Variants in VCF2 observed in about 807,000 individuals in gnomAD.
The protein encoded by VCF2 is VCP nuclear cofactor family member 2.
chrX:55,150,189 C>T, the VCF2 span, among the ~76,000 whole-genome samples: 2 of 112,013 alleles, frequency 1.8e-5, 1 homozygote, highest in South Asian at 7.4e-4. Flanking sequence ...GTATGTGTTT[C>T]AGAATTGTAT....
At chrX:55,157,083 T>C in the VCF2 span, among the ~76,000 whole-genome samples, 1 of 112,277 alleles carries the variant, frequency 8.9e-6, no homozygotes, top group Non-Finnish European at 1.9e-5. Flanking sequence ...TGCCATAGGG[T>C]TTAAAACCAC....
chrX:55,143,971 C>A, the VCF2 span: 1 of 514,471 alleles, frequency 1.9e-6, no homozygotes. Context: ...CTTAGTTCAA[C>A]TAAGTACTGA....
At chrX:55,153,538 T>C in the VCF2 span, among the ~76,000 whole-genome samples, 3 of 108,064 alleles carry the variant, frequency 2.8e-5, no homozygotes, top group Admixed American at 3.0e-4. Context: ...TTTTTTTGTA[T>C]TTTTAGTAGA....
the VCF2 span, among the ~76,000 whole-genome samples, chrX:55,148,080 G>A: frequency 9.1e-6 from 1 of 110,168 alleles, no homozygotes; most frequent in Non-Finnish European, 1.9e-5. Context: ...TATACTTCAG[G>A]TTCTTAGAAA....
At chrX:55,156,493 C>T in the VCF2 span, among the ~76,000 whole-genome samples, 1 of 112,360 alleles carries the variant, frequency 8.9e-6, no homozygotes, top group East Asian at 2.8e-4. Context: ...AGTTCCAAGG[C>T]ATTTAAAATG....
chrX:55,147,634 G>GTTTTTTT, the VCF2 span, among the ~76,000 whole-genome samples: 124 of 54,079 alleles, frequency 2.3e-3, no homozygotes, highest in East Asian at 4.8e-3. Flanking sequence ...GGCTTTCCTT[G>GTTTTTTT]TTTTTTTTTT....
At chrX:55,147,631 C>CTTTTTTTTTT in the VCF2 span, among the ~76,000 whole-genome samples, 1 of 68,569 alleles carries the variant, frequency 1.5e-5, no homozygotes, top group African/African-American at 5.0e-5. Context: ...GTTGGCTTTC[C>CTTTTTTTTTT]TTGTTTTTTT....
the VCF2 span, chrX:55,145,914 T>G: frequency 6.8e-6 from 7 of 1,028,581 alleles, no homozygotes; most frequent in Non-Finnish European, 8.7e-6. Context: ...TCATAAACAT[T>G]TATTCACAGC....
At chrX:55,152,107 G>A in the VCF2 span, among the ~76,000 whole-genome samples, 1 of 108,432 alleles carries the variant, frequency 9.2e-6, no homozygotes, top group Admixed American at 9.8e-5. Context: ...TAGCCGGGAT[G>A]GTCTCGATCT....
chrX:55,143,659 T>C, the VCF2 span: 1 of 464,359 alleles, frequency 2.2e-6, no homozygotes, highest in Non-Finnish European at 3.8e-6. Context: ...AATGAGTGAG[T>C]TTCACAGCTT....
At chrX:55,145,789 C>T in the VCF2 span, 1 of 844,844 alleles carries the variant, frequency 1.2e-6, no homozygotes, top group African/African-American at 2.1e-5. Flanking sequence ...CTGAATTGGA[C>T]ATATGGCTTC....
At chrX:55,159,350 C>T in the VCF2 span, 4 of 475,727 alleles carry the variant, frequency 8.4e-6, no homozygotes, top group South Asian at 5.0e-5. Context: ...TCACTATCTG[C>T]TATCCCAAGA....
chrX:55,160,425 G>C, the VCF2 span, among the ~76,000 whole-genome samples: 2 of 112,776 alleles, frequency 1.8e-5, no homozygotes, highest in African/African-American at 6.5e-5. Context: ...ATTTTTCAAA[G>C]TGTGAAGCTG....
chrX:55,160,000 T>A, the VCF2 span, among the ~76,000 whole-genome samples: 28 of 112,014 alleles, frequency 2.5e-4, no homozygotes, highest in Admixed American at 2.5e-3. Context: ...TATAATTTCA[T>A]TACTCTTTAA....
chrX:55,153,208 G>A, the VCF2 span, among the ~76,000 whole-genome samples: 179 of 111,986 alleles, frequency 1.6e-3, no homozygotes, highest in Non-Finnish European at 2.9e-3. Context: ...TCACAGGTGC[G>A]TGCTTAATCT....
At chrX:55,145,912 A>G in the VCF2 span, 9 of 1,026,535 alleles carry the variant, frequency 8.8e-6, no homozygotes, top group Non-Finnish European at 1.1e-5. Flanking sequence ...TTTCATAAAC[A>G]TTTATTCACA....
chrX:55,149,403 A>G, the VCF2 span, among the ~76,000 whole-genome samples: 3 of 111,607 alleles, frequency 2.7e-5, no homozygotes, highest in Non-Finnish European at 3.8e-5. Context: ...AAGAACACCA[A>G]GTCTTGCTAA....
At chrX:55,145,241 T>C in the VCF2 span, 7 of 652,504 alleles carry the variant, frequency 1.1e-5, no homozygotes, top group South Asian at 7.9e-5. Context: ...TGTATTAACA[T>C]TAACTCTATA....
chrX:55,144,892 T>A, the VCF2 span, among the ~76,000 whole-genome samples: 1 of 112,571 alleles, frequency 8.9e-6, no homozygotes, highest in Non-Finnish European at 1.9e-5. Flanking sequence ...GGTTGTACCC[T>A]TTGCATAGTC....
Sources: gnomAD v4.1 joint callset for allele counts (sites outside exome capture counted in the v4.1 genomes callset) on GRCh38, gnomAD v4.1.1 for gene constraint, MANE v1.5 for transcripts, NCBI Gene and HGNC (gene_info 2026-07-23, HGNC 2026-07-21) for gene names.